NRAS: variants seen among roughly 807,000 people sequenced by gnomAD.
NRAS encodes the protein NRAS proto-oncogene, GTPase, also known as GTPase NRas.
NRAS carries 6 observed loss-of-function variants against 21.3 expected under a neutral mutation model. That is an observed-to-expected ratio of 0.28 (90% CI 0.15 to 0.56). The LOEUF is 0.56. Among genes scored for constraint, NRAS ranks in the 20% least tolerant of loss-of-function variants. The pLI is 0.93. For missense variants in NRAS, 143 were observed against 231.3 expected (o/e 0.62, Z 2.48); for synonymous variants, 84 against 82.0 (o/e 1.02, Z -0.13).
Position 114,716,074 on chromosome 1 carries a change from T to C in NRAS, c.87A>G (p.Val29=), listed in dbSNP as rs748537067. ...CCTCTATGGTGGGATCATATTCATC[T>C]ACAAAGTGGTTCTGGATTAGCTGGA... ...LTIQLIQNHF[V]DEYDPTIEDS... Residue 29 remains valine, a synonymous_variant, in exon 2 of 7, where the codon GTA becomes GTG. Coordinates refer to ENST00000369535, the MANE Select transcript of NRAS (RefSeq NM_002524.5). The C allele has an allele frequency of 6.2e-6, 10 of 1,612,882 alleles. No individual in the cohort carries two copies. Among genetic ancestry groups the C allele is most frequent in the Non-Finnish European group, 8.5e-6 (10 of 1,178,920 alleles).
chr1:114,707,744 T>C lies in NRAS; in HGVS notation c.*350A>G, dbSNP rs935396130. The C allele has an allele frequency of 6.6e-6, 1 of 152,640 alleles. No individual in the cohort carries two copies. Among genetic ancestry groups the C allele is most frequent in the African/African-American group, 2.4e-5 (1 of 41,442 alleles). The allele number at this position is 152,640 out of a possible 1,614,324, so 9.5% of individuals were successfully genotyped here. The stretch of plus-strand genomic sequence containing the variant: ...CTCAAGACACTGTTTTCAATAGAAT[T>C]TCACGTTTGCGGTTTGGTTCTCTGT... On this transcript the variant is annotated 3_prime_UTR_variant, in exon 7 of 7. Transcript: ENST00000369535.
rs2101744093 is a variant in NRAS at position 114,716,087 on chromosome 1, T to C, written c.74A>G (p.Gln25Arg). 6.2e-7 allele frequency: 1 copy of C among 1,613,996 alleles called. No individual in the cohort carries two copies. Among genetic ancestry groups the C allele is most frequent in the Non-Finnish European group, 8.5e-7 (1 of 1,179,830 alleles). Residue 25 changes from glutamine (Q) to arginine (R), a missense_variant, in exon 2 of 7, where the codon CAG (glutamine) becomes CGG (arginine). Gln to Arg is a conservative substitution (Grantham distance 43). Coordinates refer to ENST00000369535, the MANE Select transcript of NRAS (RefSeq NM_002524.5). ...ATCATATTCATCTACAAAGTGGTTC[T>C]GGATTAGCTGGATTGTCAGTGCGCT... ...GKSALTIQLI[Q>R]NHFVDEYDPT...
At chr1:114,708,935 T>C (rs1400867892) in intron 4 of NRAS, among the ~76,000 whole-genome samples, 1 of 152,190 alleles carries the variant, frequency 6.6e-6, no homozygotes, top group East Asian at 1.9e-4. Flanking sequence ...CAAAACTACA[T>C]TAAACTAAAG....
At chr1:114,708,722 C>G in intron 4 of NRAS, 68 bp from the exon 5 acceptor site, 1 of 1,467,962 alleles carries the variant, frequency 6.8e-7, no homozygotes, top group East Asian at 2.3e-5. Flanking sequence ...ATTATAAGCT[C>G]TCTTGCATTT....
At chr1:114,709,892 C>CA (rs1212928505) in intron 3 of NRAS, among the ~76,000 whole-genome samples, 164 bp from the exon 4 acceptor site, 1 of 151,836 alleles carries the variant, frequency 6.6e-6, no homozygotes, top group African/African-American at 2.4e-5. Flanking sequence ...CCGGTCTCTA[C>CA]AAAAAAATAC....
At chr1:114,714,378 C>A (rs1418400753) in intron 2 of NRAS, among the ~76,000 whole-genome samples, 2 of 152,152 alleles carry the variant, frequency 1.3e-5, no homozygotes, top group East Asian at 3.8e-4. Flanking sequence ...TCTAAACATA[C>A]CTCCACCAAT....
Position 114,706,661 on chromosome 1 carries a change from T to C in NRAS, c.*1433A>G, listed in dbSNP as rs761825355. The C allele has an allele frequency of 1.3e-4, 20 of 152,314 alleles. No individual in the cohort carries two copies. Among genetic ancestry groups the C allele is most frequent in the East Asian group, 3.9e-4 (2 of 5,186 alleles). The allele number at this position is 152,314 out of a possible 1,614,324, so 9.4% of individuals were successfully genotyped here. On this transcript the variant is annotated 3_prime_UTR_variant, in exon 7 of 7. Coordinates refer to ENST00000369535, the MANE Select transcript of NRAS (RefSeq NM_002524.5). ...TACGTGATACTGAGTTTTCCAGTCA[T>C]GGTAAAGGGTTTGTGCTAACTGACC... is the stretch of plus-strand genomic sequence containing the variant.
In NRAS at chr1:114,707,635, TA is replaced by T. The variant is rs1202823269; in HGVS notation, c.*458del. On this transcript the variant is annotated 3_prime_UTR_variant, in exon 7 of 7. Coordinates refer to ENST00000369535, the MANE Select transcript of NRAS (RefSeq NM_002524.5). The stretch of plus-strand genomic sequence containing the variant: ...CTATATTCTTGGCAAAACAGTAATT[TA>T]TGACATTTCTCCAAAAATTAGCATA... 5 of 152,586 alleles carry T rather than the reference TA, an allele frequency of 3.3e-5. No homozygotes were observed. The highest frequency in any genetic ancestry group is 1.2e-4 in the African/African-American group (5 of 41,430). 9.5% of individuals were successfully genotyped at this position (152,586 alleles called of 1,614,324 possible).
intron 3 of NRAS, among the ~76,000 whole-genome samples, chr1:114,710,832 G>A (rs1659030040): frequency 1.3e-5 from 2 of 152,312 alleles, no homozygotes; most frequent in African/African-American, 4.8e-5. Context: ...GAGGCTCCTG[G>A]ATTCTCCAAA....
intron 6 of NRAS, 23 bp from the exon 7 acceptor site, chr1:114,708,073 A>G (rs1002287788): frequency 3.3e-5 from 6 of 181,678 alleles, no homozygotes; most frequent in East Asian, 1.6e-4. Flanking sequence ...CAGAATTTGT[A>G]TAAGTGACAC....
In NRAS at chr1:114,707,582, T is replaced by C. The variant is rs1214587704; in HGVS notation, c.*512A>G. ...AGTTTAGAGAATAGAGCCGATAACA[T>C]TATAAACAAACCAAACAGCAATAAT... is the stretch of plus-strand genomic sequence containing the variant. On this transcript the variant is annotated 3_prime_UTR_variant, in exon 7 of 7. Coordinates refer to ENST00000369535, the MANE Select transcript of NRAS (RefSeq NM_002524.5). 6 of 152,530 alleles carry C rather than the reference T, an allele frequency of 3.9e-5. No homozygotes were observed. Among genetic ancestry groups the C allele is most frequent in the African/African-American group, 1.2e-4 (5 of 41,396 alleles). The allele number at this position is 152,530 out of a possible 1,614,324, so 9.4% of individuals were successfully genotyped here.
intron 3 of NRAS, among the ~76,000 whole-genome samples, chr1:114,713,172 CATTTT>C (rs1184909880): frequency 6.6e-6 from 1 of 152,036 alleles, no homozygotes; most frequent in Non-Finnish European, 1.5e-5. Context: ...TTACTCCTAT[CATTTT>C]ATTTTTTATT....
At chr1:114,714,011 G>C (rs1266880847) in intron 2 of NRAS, 33 bp from the exon 3 acceptor site, 15 of 727,002 alleles carry the variant, frequency 2.1e-5, no homozygotes, top group Non-Finnish European at 3.2e-5. Context: ...GGCAGGGAGG[G>C]AGGGAAGTTC....
chr1:114,709,690 G>A lies in NRAS; in HGVS notation c.329C>T (p.Pro110Leu). The change falls in exon 4 of 7, where the codon CCT becomes CTT. Residue 110 changes from proline (P) to leucine (L), a missense_variant. Pro to Leu is a moderately conservative substitution (Grantham distance 98, BLOSUM62 -3). Coordinates refer to ENST00000369535, the MANE Select transcript of NRAS (RefSeq NM_002524.5). ...ACACTTGTTTCCCACTAGCACCATAGGTACATCATCCGAGTCTTTTACTCG... is the reference window on the plus strand; with the variant it reads ...ACACTTGTTTCCCACTAGCACCATAAGTACATCATCCGAGTCTTTTACTCG... ...IKRVKDSDDV[P>L]MVLVGNKCDL... The A allele has an allele frequency of 3.1e-6, 5 of 1,613,500 alleles. No individual in the cohort carries two copies. The highest frequency in any genetic ancestry group is 4.2e-6 in the Non-Finnish European group (5 of 1,179,450).
At position 114,706,986 on chromosome 1, in the gene NRAS, G is replaced by C. The variant is rs1658933374; in HGVS notation, c.*1108C>G. ...TGTAATTTGTTAATATACTATATTTGAGGTTTGAAAATCACTGATCACAGC... is the reference window on the plus strand; with the variant it reads ...TGTAATTTGTTAATATACTATATTTCAGGTTTGAAAATCACTGATCACAGC... On this transcript the variant is annotated 3_prime_UTR_variant, in exon 7 of 7. Transcript: ENST00000369535. 1 of 152,600 alleles carries C rather than the reference G, an allele frequency of 6.6e-6. No individual in the cohort carries two copies. Among genetic ancestry groups the C allele is most frequent in the Non-Finnish European group, 1.5e-5 (1 of 68,024 alleles). 9.5% of individuals were successfully genotyped at this position (152,600 alleles called of 1,614,324 possible).
chr1:114,708,910 G>A (rs1028077862), intron 4 of NRAS, among the ~76,000 whole-genome samples: 2 of 152,228 alleles, frequency 1.3e-5, no homozygotes, highest in African/African-American at 4.8e-5. Flanking sequence ...AAAGGGTAAT[G>A]TGAGAAACAC....
chr1:114,712,199 G>T (rs377694159), intron 3 of NRAS, among the ~76,000 whole-genome samples: 1 of 152,078 alleles, frequency 6.6e-6, no homozygotes, highest in Non-Finnish European at 1.5e-5. Context: ...GCAACTTAAC[G>T]GCTTTCAGCA....
In NRAS at chr1:114,706,993, G is replaced by C. The variant is rs1239749907; in HGVS notation, c.*1101C>G. 6.6e-6 allele frequency: 1 copy of C among 152,592 alleles called. No individual in the cohort carries two copies. The highest frequency in any genetic ancestry group is 2.4e-5 in the African/African-American group (1 of 41,428). The allele number at this position is 152,592 out of a possible 1,614,324, so 9.5% of individuals were successfully genotyped here. On this transcript the variant is annotated 3_prime_UTR_variant, in exon 7 of 7. Coordinates refer to ENST00000369535, the MANE Select transcript of NRAS (RefSeq NM_002524.5). ...TGTTAATATACTATATTTGAGGTTT[G>C]AAAATCACTGATCACAGCTATTAAA...
intron 3 of NRAS, among the ~76,000 whole-genome samples, chr1:114,711,063 A>G (rs2038342): frequency 1 from 152,278 of 152,324 alleles, 76,116 homozygotes; most frequent in East Asian, 1. Context: ...TTAGCACTCT[A>G]GGAGATTGAG....
Sources: gnomAD v4.1 joint callset for allele counts (sites outside exome capture counted in the v4.1 genomes callset) on GRCh38, gnomAD v4.1.1 for gene constraint, MANE v1.5 for transcripts, NCBI Gene and HGNC (gene_info 2026-07-23, HGNC 2026-07-21) for gene names.